ANKMY1: variants seen among roughly 807,000 people sequenced by gnomAD.
ANKMY1 encodes the protein ankyrin repeat and MYND domain containing 1, also known as ankyrin repeat and MYND domain-containing protein 1.
A neutral mutation model predicts 102.0 loss-of-function variants in ANKMY1; 98 were observed. That is an observed-to-expected ratio of 0.96 (90% CI 0.82 to 1.14). The LOEUF is 1.14. Ranked by LOEUF, ANKMY1 falls within the 50% of genes most tolerant of loss-of-function variation. ANKMY1 has a pLI of 0.00. For synonymous variants in ANKMY1, 582 were observed against 559.9 expected (o/e 1.04, Z -0.56); for missense variants, 1,330 against 1,347.6 (o/e 0.99, Z 0.20).
intron 4 of ANKMY1, among the ~76,000 whole-genome samples, chr2:240,531,549 A>G (rs1021838354): frequency 6.6e-6 from 1 of 152,220 alleles, no homozygotes; most frequent in African/African-American, 2.4e-5. Context: ...ACTACCCCAT[A>G]ATTTTTTTAA....
At chr2:240,508,188 C>G (rs1388009727) in intron 12 of ANKMY1, among the ~76,000 whole-genome samples, 2 of 152,264 alleles carry the variant, frequency 1.3e-5, no homozygotes, top group African/African-American at 2.4e-5. Flanking sequence ...GTGTGCCCAG[C>G]CGCCAGCTCA....
upstream of ANKMY1, chr2:240,560,598 C>T (rs1335877474): frequency 3.0e-6 from 4 of 1,332,310 alleles, no homozygotes; most frequent in Admixed American, 3.9e-5. Flanking sequence ...GCGGCCCGCC[C>T]GGCTCCCACA....
intron 4 of ANKMY1, among the ~76,000 whole-genome samples, chr2:240,547,366 T>C (rs1251585026): frequency 1.3e-5 from 2 of 150,656 alleles, no homozygotes; most frequent in African/African-American, 2.4e-5. Context: ...CAAAGCAGCG[T>C]GTAGAGGGAA....
downstream of ANKMY1, among the ~76,000 whole-genome samples, chr2:240,475,665 T>C (rs1267755067): frequency 6.6e-6 from 1 of 151,850 alleles, no homozygotes; most frequent in Non-Finnish European, 1.5e-5. Flanking sequence ...TAGTTCATTG[T>C]TAGTGCATAA....
chr2:240,469,244 T>C, the ANKMY1 span, among the ~76,000 whole-genome samples: 1 of 152,122 alleles, frequency 6.6e-6, no homozygotes, highest in Admixed American at 6.5e-5. Context: ...AGGACACAGG[T>C]GCGTGTGCAC....
At chr2:240,553,445 G>A (rs2091876442) in intron 3 of ANKMY1, 1 of 236,614 alleles carries the variant, frequency 4.2e-6, no homozygotes, top group African/African-American at 2.3e-5. Context: ...ACAGGTGACA[G>A]GCTGGCCCTG....
At chr2:240,496,105 G>A (rs1400902399) in intron 15 of ANKMY1, among the ~76,000 whole-genome samples, 1 of 152,072 alleles carries the variant, frequency 6.6e-6, no homozygotes, top group Non-Finnish European at 1.5e-5. Context: ...ATCTTACTGG[G>A]ATTCCCTTGT....
Position 240,529,501 on chromosome 2 carries a change from G to A in ANKMY1, c.489C>T (p.Tyr163=). ...YMKTRLFQGL[Y]KADQRFGPGV... ...CTGGCCCAAACCGCTGGTCCGCTTT[G>A]TATAGCCCCTGCCAAGGAAGCGCAA... is the stretch of plus-strand genomic sequence containing the variant. The change falls in exon 5 of 18, where the codon TAC becomes TAT. Residue 163 remains tyrosine, a synonymous_variant. Transcript: ENST00000401804. The surrounding 1 kb of genome is among the most constrained non-coding windows in gnomAD (Gnocchi z 4.2). The A allele has an allele frequency of 6.2e-7, 1 of 1,610,418 alleles. No individual in the cohort carries two copies.
rs1330675404 is a variant in ANKMY1 at position 240,557,319 on chromosome 2, G to A, written c.17C>T (p.Ala6Val). 1 of 1,574,934 alleles carries A rather than the reference G, an allele frequency of 6.3e-7. No homozygotes were observed. The highest frequency in any genetic ancestry group is 1.1e-5 in the South Asian group (1 of 87,196). MEGAHASLSLEDEVSG... is the reference protein window; with the variant it reads MEGAHVSLSLEDEVSG... ...GACTTCGTCCTCTAAGCTAAGGGAGGCATGGGCCCCTTCCATGTCTGTGGT... is the reference window on the plus strand; with the variant it reads ...GACTTCGTCCTCTAAGCTAAGGGAGACATGGGCCCCTTCCATGTCTGTGGT... Residue 6 changes from alanine (A) to valine (V), a missense_variant, in exon 2 of 18, where the codon GCC becomes GTC. Physicochemically the swap from Ala to Val is moderately conservative, Grantham distance 64. Coordinates refer to ENST00000401804, the MANE Select transcript of ANKMY1 (RefSeq NM_001282771.3).
intron 4 of ANKMY1, among the ~76,000 whole-genome samples, chr2:240,543,786 T>C (rs2089617471): frequency 6.6e-6 from 1 of 152,196 alleles, no homozygotes; most frequent in Admixed American, 6.5e-5. Flanking sequence ...TGAAACCTTA[T>C]AATTATTTTT....
At chr2:240,542,927 G>A (rs933363047) in intron 4 of ANKMY1, among the ~76,000 whole-genome samples, 3 of 149,020 alleles carry the variant, frequency 2.0e-5, no homozygotes, top group Non-Finnish European at 4.4e-5. Context: ...TAAGTAATAA[G>A]TAATTACTTA....
At chr2:240,531,329 C>T (rs1204991528) in intron 4 of ANKMY1, among the ~76,000 whole-genome samples, 1 of 152,182 alleles carries the variant, frequency 6.6e-6, no homozygotes, top group East Asian at 1.9e-4. Flanking sequence ...GACAGTTTGG[C>T]CATTTCTTAT....
Position 240,520,583 on chromosome 2 carries a change from T to C in ANKMY1, c.1833-50A>G. On this transcript the variant is annotated intron_variant, in intron 8 of 17. Transcript: ENST00000401804. This position sits in a 1 kb window ranked among gnomAD's most constrained non-coding sequence, Gnocchi z 4.8. Reference sequence around the variant, plus strand: ...GCCCCTGGAGGGCAGGCACCTGCACTGCGCCCAGAACGGGGCCATGCCAGC... The same window carrying C: ...GCCCCTGGAGGGCAGGCACCTGCACCGCGCCCAGAACGGGGCCATGCCAGC... The C allele has an allele frequency of 1.9e-6, 3 of 1,564,458 alleles. No homozygotes were observed. Among genetic ancestry groups the C allele is most frequent in the South Asian group, 2.4e-5 (2 of 83,716 alleles).
At chr2:240,485,428 T>G (rs1262150690) in intron 15 of ANKMY1, among the ~76,000 whole-genome samples, 1 of 152,122 alleles carries the variant, frequency 6.6e-6, no homozygotes, top group East Asian at 1.9e-4. Context: ...GGAATGTAAA[T>G]TAGTTCAACC....
At chr2:240,551,380 T>C (rs2091498215) in intron 4 of ANKMY1, among the ~76,000 whole-genome samples, 1 of 152,204 alleles carries the variant, frequency 6.6e-6, no homozygotes, top group Non-Finnish European at 1.5e-5. Flanking sequence ...TTTGCATATG[T>C]TTAATAAGAA....
At chr2:240,482,532 T>A (rs2151846196) in intron 15 of ANKMY1, among the ~76,000 whole-genome samples, 1 of 152,368 alleles carries the variant, frequency 6.6e-6, no homozygotes, top group Non-Finnish European at 1.5e-5. Context: ...TTTAATTCAT[T>A]TCAAAGTGTT....
At chr2:240,495,454 G>A (rs1029803462) in intron 15 of ANKMY1, among the ~76,000 whole-genome samples, 1 of 152,210 alleles carries the variant, frequency 6.6e-6, no homozygotes, top group Non-Finnish European at 1.5e-5. Context: ...GATAGCAGTA[G>A]CAGAATTACT....
At chr2:240,509,500 A>G (rs766262453) in intron 11 of ANKMY1, 45 bp from the exon 12 acceptor site, 7 of 1,324,218 alleles carry the variant, frequency 5.3e-6, no homozygotes, top group Non-Finnish European at 7.5e-6. Context: ...CCCCACCCAT[A>G]AGCAGCACCT....
chr2:240,484,479 T>C (rs988230182), intron 15 of ANKMY1, among the ~76,000 whole-genome samples: 3 of 152,140 alleles, frequency 2.0e-5, no homozygotes, highest in South Asian at 2.1e-4. Flanking sequence ...ATAAATGGTG[T>C]TGGGAAAACT....
Sources: allele counts gnomAD v4.1 joint callset (sites outside exome capture counted in the v4.1 genomes callset), GRCh38; gene constraint gnomAD v4.1.1; non-coding constraint Gnocchi (gnomAD v3.1); transcripts MANE v1.5; gene names NCBI Gene and HGNC (gene_info 2026-07-23, HGNC 2026-07-21).